The following BMX variants were observed in gnomAD, a reference collection of about 807,000 sequenced individuals.
BMX encodes the protein BMX non-receptor tyrosine kinase.
In BMX, 31 loss-of-function variants were observed where a neutral mutation model predicts 59.2. The observed-to-expected ratio is 0.52, with a 90% confidence interval of 0.39 to 0.71. The LOEUF is 0.71. Ranked by LOEUF, BMX falls within the 30% of genes least tolerant of loss-of-function variation. BMX has a pLI of 0.00. For synonymous variants in BMX, 185 were observed against 181.0 expected (o/e 1.02, Z -0.18); for missense variants, 474 against 491.7 (o/e 0.96, Z 0.34).
intron 5 of BMX, 69 bp from the exon 6 acceptor site, chrX:15,517,860 C>T: frequency 1.1e-6 from 1 of 934,520 alleles, no homozygotes; most frequent in African/African-American, 1.9e-5. Context: ...TCTTTTAATT[C>T]ATAACATTGA....
chrX:15,532,498 T>C (rs959724957), intron 11 of BMX, among the ~76,000 whole-genome samples: 1 of 111,648 alleles, frequency 9.0e-6, no homozygotes, highest in African/African-American at 3.3e-5. Context: ...TATCTACACC[T>C]CTGTGTTTAC....
In BMX at chrX:15,537,236, T is replaced by C. The variant is rs1420865167; in HGVS notation, c.1325T>C (p.Val442Ala). The C allele has an allele frequency of 5.0e-6, 6 of 1,208,333 alleles. No homozygotes were observed. The African/African-American group carries it at 7.0e-5, about 14-fold the overall frequency. ...QLGKWKGQYD[V>A]AVKMIKEGSM... ...GGCAAGTGGAAGGGGCAGTATGATG[T>C]TGCTGTTAAGATGATCAAGGAGGGC... The change falls in exon 14 of 19, where the codon GTT (valine) becomes GCT (alanine). Residue 442 changes from valine to alanine, a missense_variant. Physicochemically the swap from Val to Ala is moderately conservative, Grantham distance 64. Coordinates refer to ENST00000348343, the MANE Select transcript of BMX (RefSeq NM_203281.3).
intron 7 of BMX, among the ~76,000 whole-genome samples, chrX:15,523,009 C>G (rs1057404647): frequency 1.8e-5 from 2 of 112,286 alleles, no homozygotes; most frequent in African/African-American, 6.5e-5. Context: ...AATGTACAAC[C>G]TCACCTCTCC....
Position 15,511,521 on chromosome X carries a change from A to G in BMX, c.325+3A>G, listed in dbSNP as rs1363577902. Reference sequence around the variant, plus strand: ...GTGGTTGAAAGCATTACAAAAAGGTAATTCAAAAAAAGAAATGTTGAAAGA... The same window carrying G: ...GTGGTTGAAAGCATTACAAAAAGGTGATTCAAAAAAAGAAATGTTGAAAGA... On this transcript the variant is annotated splice_donor_region_variant and intron_variant, in intron 4 of 18. Transcript: ENST00000348343. 8.4e-7 allele frequency: 1 copy of G among 1,194,133 alleles called. No individual in the cohort carries two copies. The highest frequency in any genetic ancestry group is 1.1e-6 in the Non-Finnish European group (1 of 884,140).
At chrX:15,501,708 C>T (rs1399723608) in intron 1 of BMX, among the ~76,000 whole-genome samples, 8 of 111,727 alleles carry the variant, frequency 7.2e-5, no homozygotes, top group Admixed American at 2.8e-4. Context: ...GATGCAAGTG[C>T]ACGGACCACA....
chrX:15,505,024 G>C (rs760344733), intron 1 of BMX, among the ~76,000 whole-genome samples: 2 of 112,374 alleles, frequency 1.8e-5, no homozygotes, highest in African/African-American at 3.2e-5. Flanking sequence ...AGCAGGGTTT[G>C]CTAGTTGTTG....
chrX:15,503,510 T>C (rs1923639626), intron 1 of BMX, among the ~76,000 whole-genome samples: 1 of 112,291 alleles, frequency 8.9e-6, no homozygotes, highest in Admixed American at 9.4e-5. Context: ...TGTACAGGTA[T>C]GACACCTGAA....
intron 9 of BMX, 128 bp downstream of exon 9, chrX:15,526,223 G>A (rs1365702973): frequency 5.4e-5 from 28 of 516,376 alleles, no homozygotes; most frequent in African/African-American, 1.2e-4. Flanking sequence ...GTAAACTCAC[G>A]TAATGTTCTG....
At chrX:15,502,998 T>C (rs1453269190) in intron 1 of BMX, among the ~76,000 whole-genome samples, 6 of 111,673 alleles carry the variant, frequency 5.4e-5, no homozygotes, top group Non-Finnish European at 1.1e-4. Context: ...ACAAAATCTT[T>C]AGCTATATGG....
intron 14 of BMX, among the ~76,000 whole-genome samples, chrX:15,538,106 A>G (rs1354774560): frequency 6.3e-5 from 7 of 110,633 alleles, no homozygotes; most frequent in Admixed American, 9.6e-5. Flanking sequence ...TTGGCAATAC[A>G]TATGTGTTCT....
chrX:15,513,233 G>T (rs969164532), intron 4 of BMX, among the ~76,000 whole-genome samples: 3 of 112,381 alleles, frequency 2.7e-5, no homozygotes, highest in Non-Finnish European at 5.6e-5. Context: ...CAGTAGGGAT[G>T]CAGGCTCCTC....
At chrX:15,511,747 A>T (rs1923969738) in intron 4 of BMX, among the ~76,000 whole-genome samples, 1 of 111,331 alleles carries the variant, frequency 9.0e-6, no homozygotes, top group African/African-American at 3.3e-5. Context: ...TGGCCCACAC[A>T]AAGCCAGTAT....
At chrX:15,516,085 C>T in intron 4 of BMX, 27 bp from the exon 5 acceptor site, 1 of 1,203,276 alleles carries the variant, frequency 8.3e-7, no homozygotes, top group Non-Finnish European at 1.1e-6. Flanking sequence ...TTGCTAACGT[C>T]TTGTTTTCTT....
At chrX:15,511,306 C>A in intron 3 of BMX, 131 bp from the exon 4 acceptor site, 2 of 431,792 alleles carry the variant, frequency 4.6e-6, no homozygotes, top group Non-Finnish European at 7.6e-6. Context: ...TTTTTTTCAT[C>A]TAATTCCAGA....
rs778494440 is a variant in BMX, at chrX:15,534,446, G to A, written c.1147+107G>A. 11 of 722,500 alleles carry A rather than the reference G, an allele frequency of 1.5e-5. No homozygotes were observed. In the East Asian group the frequency reaches 5.2e-4, roughly 34 times the overall value. The allele number at this position is 722,500 out of a possible 1,213,427, so 59.5% of individuals were successfully genotyped here. ...CTTAATTATATAGGGAACCATGAAAGTAGGAAAAAATCCTCTCAAGTCTTT... is the reference window on the plus strand; with the variant it reads ...CTTAATTATATAGGGAACCATGAAAATAGGAAAAAATCCTCTCAAGTCTTT... On this transcript the variant is annotated intron_variant, in intron 12 of 18. Transcript: ENST00000348343.
intron 13 of BMX, 70 bp downstream of exon 13, chrX:15,536,497 A>C: frequency 2.5e-6 from 2 of 809,780 alleles, no homozygotes; most frequent in Non-Finnish European, 3.3e-6. Flanking sequence ...TGGTTAATTT[A>C]CTGGCAAAAA....
At chrX:15,546,445 T>C (rs1216481153) in intron 16 of BMX, among the ~76,000 whole-genome samples, 1 of 111,855 alleles carries the variant, frequency 8.9e-6, no homozygotes, top group Non-Finnish European at 1.9e-5. Context: ...AGAAACCCTA[T>C]TTTGTTCAAC....
chrX:15,553,036 C>T (rs929818531), intron 18 of BMX, among the ~76,000 whole-genome samples: 18 of 112,168 alleles, frequency 1.6e-4, no homozygotes, highest in Admixed American at 9.4e-5. Context: ...ATCTTAGGTG[C>T]GTTACTCAAT....
chrX:15,536,402 C>G lies in BMX; in HGVS notation c.1197C>G (p.Val399=), dbSNP rs770993615. 8.3e-7 allele frequency: 1 copy of G among 1,205,983 alleles called. No individual in the cohort carries two copies. The highest frequency in any genetic ancestry group is 1.8e-5 in the African/African-American group (1 of 56,595). The change falls in exon 13 of 19, where the codon GTC becomes GTG. Residue 399 remains valine (V), a synonymous_variant. Transcript: ENST00000348343. ...CTGTGTCAACAAAGGCCAACAAGGT[C>G]CCCGACTCTGTGTCCCTGGGAAATG... ...RHPVSTKANK[V]PDSVSLGNGI...
Sources: allele counts gnomAD v4.1 joint callset (sites outside exome capture counted in the v4.1 genomes callset), GRCh38; gene constraint gnomAD v4.1.1; transcripts MANE v1.5; gene names NCBI Gene and HGNC (gene_info 2026-07-23, HGNC 2026-07-21).